MFSD1: variants seen among roughly 807,000 people sequenced by gnomAD.
The protein encoded by MFSD1 is lysosomal dipeptide transporter MFSD1.
In MFSD1, 59 loss-of-function variants were observed where a neutral mutation model predicts 67.1. That is an observed-to-expected ratio of 0.88 (90% CI 0.71 to 1.09). MFSD1 has a LOEUF of 1.09. MFSD1 is among the 50% of genes least tolerant of loss of function. MFSD1 has a pLI of 0.00. For synonymous variants in MFSD1, 213 were observed against 200.3 expected (o/e 1.06, Z -0.54); for missense variants, 552 against 566.1 (o/e 0.97, Z 0.25).
chr3:158,821,641 G>A lies in MFSD1; in HGVS notation c.908G>A (p.Ser303Asn), dbSNP rs773862599. 1 of 1,609,288 alleles carries A rather than the reference G, an allele frequency of 6.2e-7. No homozygotes were observed. Among genetic ancestry groups the A allele is most frequent in the East Asian group, 2.2e-5 (1 of 44,790 alleles). ...TTTGGATTTTCTTCCCAGGCAGCAA[G>A]TGCAATTAACAGGTATTTTAAAATT... ...EKFGFSSQAA[S>N]AINSVVYVIS... Residue 303 changes from serine to asparagine, a missense_variant, in exon 10 of 16, where the codon AGT becomes AAT. Coordinates refer to ENST00000415822, the MANE Select transcript of MFSD1 (RefSeq NM_022736.4).
chr3:158,804,281 G>T, intron 1 of MFSD1, 38 bp from the exon 2 acceptor site: 1 of 1,470,432 alleles, frequency 6.8e-7, no homozygotes. Context: ...TTTTATATGG[G>T]AAGTATTATT....
At chr3:158,826,147 G>A in intron 14 of MFSD1, 85 bp downstream of exon 14, 1 of 1,019,618 alleles carries the variant, frequency 9.8e-7, no homozygotes, top group Non-Finnish European at 1.6e-6. Context: ...GGGGGCCAGT[G>A]CTTTATTCCA....
intron 6 of MFSD1, 69 bp from the exon 7 acceptor site, chr3:158,813,896 C>CT: frequency 4.4e-6 from 5 of 1,133,694 alleles, no homozygotes; most frequent in African/African-American, 1.6e-5. Context: ...CCTCAAATCC[C>CT]TTTTTTTGAA....
intron 13 of MFSD1, among the ~76,000 whole-genome samples, chr3:158,825,686 T>C (rs1576916826): frequency 6.6e-6 from 1 of 152,260 alleles, no homozygotes; most frequent in East Asian, 1.9e-4. Flanking sequence ...CAGGAGTTTT[T>C]GGTAAGTCCT....
Position 158,829,652 on chromosome 3 carries a change from A to G in MFSD1, c.*670A>G, listed in dbSNP as rs1471277894. On this transcript the variant is annotated 3_prime_UTR_variant, in exon 16 of 16. Coordinates refer to ENST00000415822, the MANE Select transcript of MFSD1 (RefSeq NM_022736.4). ...AGTTTTTCTTATAGTCTAATAAGTA[A>G]AAAGTGTCCTTCAAATTATGATAAT... 6.6e-6 allele frequency: 1 copy of G among 152,252 alleles called. No homozygotes were observed. The highest frequency in any genetic ancestry group is 1.5e-5 in the Non-Finnish European group (1 of 68,032). 9.4% of individuals were successfully genotyped at this position (152,252 alleles called of 1,614,324 possible). A position where few individuals can be genotyped will look rare whatever the true frequency, so the allele number is the denominator to read the frequency against.
At chr3:158,815,975 A>G (rs1202378724) in intron 7 of MFSD1, among the ~76,000 whole-genome samples, 2 of 152,048 alleles carry the variant, frequency 1.3e-5, no homozygotes, top group Non-Finnish European at 2.9e-5. Flanking sequence ...CCTACAAAGG[A>G]CATGAACTCA....
intron 14 of MFSD1, 62 bp from the exon 15 acceptor site, chr3:158,827,218 G>T: frequency 9.8e-7 from 1 of 1,020,080 alleles, no homozygotes; most frequent in South Asian, 1.5e-5. Flanking sequence ...ATGTATGTAT[G>T]GTTGAAATTT....
At chr3:158,828,956 A>G (rs942009122) in intron 15 of MFSD1, 23 bp from the exon 16 acceptor site, 53 of 1,597,976 alleles carry the variant, frequency 3.3e-5, no homozygotes, top group Non-Finnish European at 3.9e-5. Flanking sequence ...CTCTTTGGTA[A>G]TTTATTGCGT....
At chr3:158,822,270 C>A in intron 11 of MFSD1, 130 bp downstream of exon 11, 1 of 579,074 alleles carries the variant, frequency 1.7e-6, no homozygotes, top group Non-Finnish European at 2.9e-6. Context: ...AACTTGATTC[C>A]AATATCTACA....
chr3:158,809,345 G>A, intron 6 of MFSD1, 58 bp downstream of exon 6: 1 of 1,118,654 alleles, frequency 8.9e-7, no homozygotes. Flanking sequence ...AAATCTTATA[G>A]TTCTCTTAAA....
rs1202228606 is a variant in MFSD1, at chr3:158,805,358, A to G, written c.217-4A>G. 6.2e-7 allele frequency: 1 copy of G among 1,603,002 alleles called. No homozygotes were observed. The highest frequency in any genetic ancestry group is 8.5e-7 in the Non-Finnish European group (1 of 1,169,928). On this transcript the variant is annotated splice_polypyrimidine_tract_variant and splice_region_variant and intron_variant, in intron 2 of 15. Transcript: ENST00000415822. ...AAAAATAGTTTTATTTTCTTTTCAT[A>G]TAGGATATGCAAGTGAATACCACGA...
chr3:158,815,167 A>G (rs1459135526), intron 7 of MFSD1, among the ~76,000 whole-genome samples: 4 of 152,172 alleles, frequency 2.6e-5, no homozygotes, highest in Non-Finnish European at 5.9e-5. Flanking sequence ...TTTTAATCAA[A>G]TACTGACTTT....
At chr3:158,828,785 A>G (rs1340536327) in intron 15 of MFSD1, among the ~76,000 whole-genome samples, 194 bp from the exon 16 acceptor site, 1 of 152,030 alleles carries the variant, frequency 6.6e-6, no homozygotes, top group Non-Finnish European at 1.5e-5. Flanking sequence ...AACTCAGAAT[A>G]TTTTTCAAAT....
chr3:158,826,915 G>A (rs371626993), intron 14 of MFSD1, among the ~76,000 whole-genome samples: 4 of 151,816 alleles, frequency 2.6e-5, no homozygotes, highest in African/African-American at 7.3e-5. Context: ...CAATCCTCCC[G>A]CCTTAGCCTG....
In MFSD1 at chr3:158,824,181, A is replaced by G. The variant is rs1379853112; in HGVS notation, c.1233A>G (p.Ile411Met). The G allele has an allele frequency of 1.2e-6, 2 of 1,613,226 alleles. No individual in the cohort carries two copies. The highest frequency in any genetic ancestry group is 1.7e-6 in the Non-Finnish European group (2 of 1,179,704). Residue 411 changes from isoleucine to methionine, a missense_variant, in exon 13 of 16, where the codon ATA becomes ATG. Ile to Met is a conservative substitution (Grantham distance 10). Coordinates refer to ENST00000415822, the MANE Select transcript of MFSD1 (RefSeq NM_022736.4). ...LAIISIIAGMILDSRGYLFLE... is the reference protein window; with the variant it reads ...LAIISIIAGMMLDSRGYLFLE... ...TCATTTCCATCATTGCTGGTATGAT[A>G]CTGGATTCTCGGGGGTATTTGTTTT...
chr3:158,817,326 A>C (rs374349492), intron 7 of MFSD1, among the ~76,000 whole-genome samples: 1 of 152,180 alleles, frequency 6.6e-6, no homozygotes, highest in African/African-American at 2.4e-5. Context: ...TTTGCAGACA[A>C]CATGATTGTA....
rs1211572697 is a variant in MFSD1 at position 158,824,196 on chromosome 3, G to T, written c.1248G>T (p.Gly416=). 15 of 1,612,900 alleles carry T rather than the reference G, an allele frequency of 9.3e-6. No individual in the cohort carries two copies. Among genetic ancestry groups the T allele is most frequent in the East Asian group, 6.7e-5 (3 of 44,826 alleles). The part of the protein sequence containing the change: ...IIAGMILDSR[G]YLFLEVFFIA... ...CTGGTATGATACTGGATTCTCGGGGGTATTTGTTTTTGGAAGTGTTCTTCA... is the reference window on the plus strand; with the variant it reads ...CTGGTATGATACTGGATTCTCGGGGTTATTTGTTTTTGGAAGTGTTCTTCA... Residue 416 remains glycine, a synonymous_variant, in exon 13 of 16, where the codon GGG becomes GGT. Transcript: ENST00000415822.
intron 15 of MFSD1, among the ~76,000 whole-genome samples, chr3:158,827,621 G>A (rs962275617): frequency 6.6e-6 from 1 of 151,774 alleles, no homozygotes; most frequent in Non-Finnish European, 1.5e-5. Context: ...TTGCCATGTT[G>A]CCCAGGCTGG....
chr3:158,818,955 C>T (rs767274480), intron 7 of MFSD1, among the ~76,000 whole-genome samples: 9 of 152,212 alleles, frequency 5.9e-5, no homozygotes, highest in Non-Finnish European at 1.2e-4. Context: ...TTAGAGCTCA[C>T]GTCTACTGAT....
Sources: gnomAD v4.1 joint callset for allele counts (sites outside exome capture counted in the v4.1 genomes callset) on GRCh38, gnomAD v4.1.1 for gene constraint, MANE v1.5 for transcripts, NCBI Gene and HGNC (gene_info 2026-07-23, HGNC 2026-07-21) for gene names.